The following ABCA10 variants were observed in gnomAD, a reference collection of about 807,000 sequenced individuals.
ABCA10 encodes ATP binding cassette subfamily A member 10.
ABCA10 carries 169 observed loss-of-function variants against 187.5 expected under a neutral mutation model. That is an observed-to-expected ratio of 0.90 (90% CI 0.80 to 1.02). ABCA10 has a LOEUF of 1.02. ABCA10 is among the 50% of genes least tolerant of loss of function. ABCA10 has a pLI of 0.00. For synonymous variants in ABCA10, 574 were observed against 601.8 expected (o/e 0.95, Z 0.68); for missense variants, 1,727 against 1,812.4 (o/e 0.95, Z 0.86).
In ABCA10 at chr17:69,172,997, A is replaced by G. The variant is rs554543098; in HGVS notation, c.3162+1284T>C. Reference sequence around the variant, plus strand: ...ACATTTGACTTTATGGCCAAAAACCATAAGAATAAATAGGGCTGGTGTATA... The same window carrying G: ...ACATTTGACTTTATGGCCAAAAACCGTAAGAATAAATAGGGCTGGTGTATA... On this transcript the variant is annotated intron_variant, in intron 25 of 38. Coordinates refer to ENST00000690296, the MANE Select transcript of ABCA10 (RefSeq NM_001377321.1). Among the ~76,000 whole-genome samples, 28 of 152,322 alleles carry G rather than the reference A, an allele frequency of 1.8e-4. No homozygotes were observed. The South Asian group carries it at 1.9e-3, about 10-fold the overall frequency.
chr17:69,234,686 T>A (rs1016220432), intron 1 of ABCA10: 4 of 152,190 alleles, frequency 2.6e-5, no homozygotes, highest in African/African-American at 9.7e-5. Flanking sequence ...TGGGTTACCT[T>A]CTATTATGTC....
At chr17:69,225,006 A>T (rs1291426256) in intron 3 of ABCA10, among the ~76,000 whole-genome samples, 1 of 152,176 alleles carries the variant, frequency 6.6e-6, no homozygotes, top group Non-Finnish European at 1.5e-5. Context: ...AAGTTTTTTA[A>T]GTTAAGTTTT....
intron 6 of ABCA10, among the ~76,000 whole-genome samples, chr17:69,217,413 T>C (rs978499187): frequency 6.6e-6 from 1 of 152,138 alleles, no homozygotes; most frequent in African/African-American, 2.4e-5. Context: ...ACTGAGCATT[T>C]TTCCCAGAAA....
intron 6 of ABCA10, 150 bp downstream of exon 6, chr17:69,219,395 T>C (rs758363258): frequency 1.6e-5 from 8 of 503,370 alleles, no homozygotes; most frequent in Non-Finnish European, 2.7e-5. Flanking sequence ...ACTTACTTTC[T>C]ACTGCAAGCA....
intron 1 of ABCA10, among the ~76,000 whole-genome samples, chr17:69,240,526 T>C (rs1186265909): frequency 2.0e-5 from 3 of 152,176 alleles, no homozygotes; most frequent in African/African-American, 7.2e-5. Context: ...GGGTTTGGAG[T>C]GGCTAACCTA....
chr17:69,200,354 G>T lies in ABCA10; in HGVS notation c.1175+1146C>A, dbSNP rs372018603. 1.2e-4 allele frequency among the ~76,000 whole-genome samples: 18 copies of T among 152,290 alleles called. 1 individual carries two copies. In the East Asian group the frequency reaches 1.7e-3, roughly 15 times the overall value. On this transcript the variant is annotated intron_variant, in intron 10 of 38. Coordinates refer to ENST00000690296, the MANE Select transcript of ABCA10 (RefSeq NM_001377321.1). ...TGAAATTAATAAGGGGCAAAGCCAG[G>T]ATTCAAACCAGTTGGTTTAAACCTA...
intron 1 of ABCA10, among the ~76,000 whole-genome samples, chr17:69,237,263 T>G (rs2074877811): frequency 6.6e-6 from 1 of 152,236 alleles, no homozygotes; most frequent in Non-Finnish European, 1.5e-5. Flanking sequence ...AAATGTATAC[T>G]TTTGTACATT....
At chr17:69,194,899 A>G (rs1252120707) in intron 11 of ABCA10, among the ~76,000 whole-genome samples, 1 of 152,212 alleles carries the variant, frequency 6.6e-6, no homozygotes, top group Non-Finnish European at 1.5e-5. Flanking sequence ...AGGGCTGGGT[A>G]TAGAGAAAAG....
intron 22 of ABCA10, among the ~76,000 whole-genome samples, chr17:69,178,027 A>ATTTT (rs2074350549): frequency 1.3e-5 from 1 of 79,678 alleles, no homozygotes. Context: ...TAATATTTTT[A>ATTTT]TTTGCTACAT....
At chr17:69,231,728 G>C (rs2074833047), upstream of ABCA10, among the ~76,000 whole-genome samples, 1 of 152,162 alleles carries the variant, frequency 6.6e-6, no homozygotes, top group Admixed American at 6.5e-5. Flanking sequence ...CTGTTGAGAA[G>C]AATGTGTATT....
intron 7 of ABCA10, 67 bp from the exon 8 acceptor site, chr17:69,216,067 G>T (rs757914376): frequency 7.0e-6 from 11 of 1,562,644 alleles, no homozygotes; most frequent in Non-Finnish European, 8.6e-6. Context: ...AATATTCATC[G>T]ATTTCTCACA....
chr17:69,219,900 CA>C, intron 5 of ABCA10, 129 bp from the exon 6 acceptor site: 1 of 655,926 alleles, frequency 1.5e-6, no homozygotes, highest in East Asian at 2.9e-5. Flanking sequence ...CTATTAATAT[CA>C]GAACAATCTT....
intron 6 of ABCA10, among the ~76,000 whole-genome samples, chr17:69,219,121 G>A (rs1303178865): frequency 2.6e-5 from 4 of 152,090 alleles, no homozygotes; most frequent in Non-Finnish European, 5.9e-5. Context: ...TGAATGAGAA[G>A]ACCATGGCCA....
At position 69,201,591 on chromosome 17, in the gene ABCA10, C is replaced by T. The variant is rs375302182; in HGVS notation, c.1084G>A (p.Glu362Lys). The change falls in exon 10 of 39, where the codon GAA becomes AAA. Residue 362 changes from glutamate to lysine, a missense_variant. Coordinates refer to ENST00000690296, the MANE Select transcript of ABCA10 (RefSeq NM_001377321.1). ...FWSKHQNTHHEIFENEINPEH... is the reference protein window; with the variant it reads ...FWSKHQNTHHKIFENEINPEH... ...GGATTTATTTCATTCTCAAAGATTT[C>T]ATGATGAGTATTTTGATGTTTGGAC... is the stretch of plus-strand genomic sequence containing the variant. The T allele has an allele frequency of 5.0e-6, 8 of 1,612,752 alleles. No individual in the cohort carries two copies. The highest frequency in any genetic ancestry group is 6.8e-6 in the Non-Finnish European group (8 of 1,179,626).
At chr17:69,240,085 G>C (rs1287591749) in intron 1 of ABCA10, among the ~76,000 whole-genome samples, 2 of 152,124 alleles carry the variant, frequency 1.3e-5, no homozygotes, top group African/African-American at 2.4e-5. Flanking sequence ...TAGGCCAGAA[G>C]AGTACTCTGA....
intron 18 of ABCA10, among the ~76,000 whole-genome samples, chr17:69,188,121 C>T (rs1326336607): frequency 6.6e-6 from 1 of 152,156 alleles, no homozygotes. Flanking sequence ...TTTATTCTTT[C>T]ATACCAATAA....
In ABCA10 at chr17:69,228,658, T is replaced by A. The variant is rs745750159; in HGVS notation, c.-390A>T. 2 of 151,988 alleles carry A rather than the reference T, an allele frequency of 1.3e-5. No individual in the cohort carries two copies. The highest frequency in any genetic ancestry group is 2.9e-5 in the Non-Finnish European group (2 of 67,896). 9.4% of individuals were successfully genotyped at this position (151,988 alleles called of 1,614,324 possible). A position where few individuals can be genotyped will look rare whatever the true frequency, so the allele number is the denominator to read the frequency against. ...TTTTGTCCAAGAAAACAATGAAGAA[T>A]CCTTCAAGGACTCCTCTACAAATGG... On this transcript the variant is annotated 5_prime_UTR_variant, in exon 1 of 39. Transcript: ENST00000690296.
rs577449413 is a variant in ABCA10 at position 69,190,561 on chromosome 17, A to C, written c.2012-84T>G. On this transcript the variant is annotated intron_variant, in intron 17 of 38. Coordinates refer to ENST00000690296, the MANE Select transcript of ABCA10 (RefSeq NM_001377321.1). ...TACTAATTTCTAAATATTACTCAAAATAGATGTCTACAAATGTTTTCATAT... is the reference window on the plus strand; with the variant it reads ...TACTAATTTCTAAATATTACTCAAACTAGATGTCTACAAATGTTTTCATAT... 8 of 1,249,076 alleles carry C rather than the reference A, an allele frequency of 6.4e-6. No individual in the cohort carries two copies. The South Asian group carries it at 1.3e-4, about 20-fold the overall frequency. 77.4% of individuals were successfully genotyped at this position (1,249,076 alleles called of 1,614,324 possible).
chr17:69,238,582 ATACTT>A (rs1302738897), intron 1 of ABCA10, among the ~76,000 whole-genome samples: 3 of 152,312 alleles, frequency 2.0e-5, no homozygotes, highest in Admixed American at 6.5e-5. Context: ...GGGCATGATG[ATACTT>A]TACTTTGAGT....
Sources: allele counts gnomAD v4.1 joint callset (sites outside exome capture counted in the v4.1 genomes callset), GRCh38; gene constraint gnomAD v4.1.1; transcripts MANE v1.5; gene names NCBI Gene and HGNC (gene_info 2026-07-23, HGNC 2026-07-21).